The following CUL4A variants were observed in gnomAD, a reference collection of about 807,000 sequenced individuals.
The protein encoded by CUL4A is cullin 4A.
Under a neutral mutation model 95.5 loss-of-function variants are expected in CUL4A, and 16 were observed. The observed-to-expected ratio is 0.17, with a 90% CI of 0.11 to 0.25. The LOEUF is 0.25. Ranked by LOEUF, CUL4A falls within the 10% of genes least tolerant of loss-of-function variation. The probability of loss-of-function intolerance (pLI) is 1.00; values close to 1 mark genes in which losing one functional copy is unlikely to be tolerated. For missense variants in CUL4A, 610 were observed against 937.0 expected (o/e 0.65, Z 4.56); for synonymous variants, 380 against 353.1 (o/e 1.08, Z -0.85).
At chr13:113,259,527 A>G (rs1199994283) in intron 18 of CUL4A, among the ~76,000 whole-genome samples, 3 of 152,064 alleles carry the variant, frequency 2.0e-5, no homozygotes, top group African/African-American at 7.2e-5. Context: ...TTTTTTATTC[A>G]TCCTTGTATG....
intron 5 of CUL4A, among the ~76,000 whole-genome samples, chr13:113,230,749 T>G (rs1187065342): frequency 1.3e-5 from 2 of 150,372 alleles, no homozygotes; most frequent in African/African-American, 2.4e-5. Flanking sequence ...ATAGTCTAAA[T>G]GCTTTTCAAA....
At chr13:113,208,809 G>T (rs1055003747), upstream of CUL4A, 7 of 1,411,866 alleles carry the variant, frequency 5.0e-6, no homozygotes, top group Non-Finnish European at 6.4e-6. Context: ...GGGCTGAGGG[G>T]GCCCGGGGTC....
intron 18 of CUL4A, among the ~76,000 whole-genome samples, chr13:113,259,617 T>C (rs2042217377): frequency 6.6e-6 from 1 of 152,188 alleles, no homozygotes; most frequent in Non-Finnish European, 1.5e-5. Flanking sequence ...AATCTAACCT[T>C]TCAACTGCTA....
intron 19 of CUL4A, among the ~76,000 whole-genome samples, chr13:113,262,264 G>A (rs193145332): frequency 3.0e-4 from 45 of 152,316 alleles, no homozygotes; most frequent in African/African-American, 9.1e-4. Context: ...CTGTGGATTC[G>A]TCTCCTCAGT....
intron 9 of CUL4A, among the ~76,000 whole-genome samples, chr13:113,238,993 A>G (rs1293434506): frequency 1.3e-5 from 2 of 152,200 alleles, no homozygotes; most frequent in East Asian, 3.8e-4. Context: ...AAAATATCCG[A>G]TGATGTTTTT....
Position 113,224,202 on chromosome 13 carries a change from A to G in CUL4A, c.369-3774A>G, listed in dbSNP as rs1348739282. ...CCCGTCTCTACTGAAAATACAAAAAAATTAGCCGGGCGTGGTGGCGGGCAC... is the reference window on the plus strand; with the variant it reads ...CCCGTCTCTACTGAAAATACAAAAAGATTAGCCGGGCGTGGTGGCGGGCAC... On this transcript the variant is annotated intron_variant, in intron 3 of 19. Transcript: ENST00000375440. 4.6e-5 allele frequency among the ~76,000 whole-genome samples: 7 copies of G among 152,254 alleles called. No individual in the cohort carries two copies. In the South Asian group the frequency reaches 1.5e-3, roughly 32 times the overall value.
At chr13:113,256,886 T>C (rs1357004841) in intron 18 of CUL4A, among the ~76,000 whole-genome samples, 3 of 151,092 alleles carry the variant, frequency 2.0e-5, no homozygotes, top group African/African-American at 7.3e-5. Flanking sequence ...GTTTTCTTTA[T>C]ATATTAAGGA....
intron 2 of CUL4A, among the ~76,000 whole-genome samples, chr13:113,218,105 G>A (rs964558385): frequency 1.3e-5 from 2 of 152,172 alleles, no homozygotes; most frequent in African/African-American, 4.8e-5. Context: ...GTGCGTGGTG[G>A]CAGGTGCCTA....
intron 6 of CUL4A, 112 bp from the exon 7 acceptor site, chr13:113,233,785 G>A (rs569350018): frequency 1.5e-5 from 11 of 728,802 alleles, no homozygotes; most frequent in Admixed American, 5.0e-5. Context: ...GGCCACAGGC[G>A]CCTCCAAGTT....
intron 11 of CUL4A, 146 bp downstream of exon 11, chr13:113,243,306 G>A (rs1298570161): frequency 7.3e-6 from 5 of 680,908 alleles, no homozygotes; most frequent in Non-Finnish European, 1.2e-5. Context: ...TTTTTATCAA[G>A]TCTTATTAGG....
At chr13:113,253,237 T>C (rs753043572) in intron 16 of CUL4A, 42 bp downstream of exon 16, 8 of 1,093,242 alleles carry the variant, frequency 7.3e-6, no homozygotes, top group African/African-American at 6.5e-5. Flanking sequence ...TTTGTAAATA[T>C]GTTAATATAA....
chr13:113,217,957 C>T (rs2040754121), intron 2 of CUL4A, among the ~76,000 whole-genome samples: 1 of 152,222 alleles, frequency 6.6e-6, no homozygotes, highest in Admixed American at 6.5e-5. Flanking sequence ...ATGGTGTCAG[C>T]TGGGCACGGT....
rs761635152 is a variant in CUL4A, at chr13:113,253,174, T to C, written c.1731T>C (p.Val577=). ...GGCAAACTACTTTGGGACATGCTGT[T>C]TTAAAAGCGGAGTTTAAAGAAGTAA... ...LQWQTTLGHA[V]LKAEFKEGKK... The change falls in exon 16 of 20, where the codon GTT becomes GTC. Residue 577 remains valine, a synonymous_variant. Coordinates refer to ENST00000375440, the MANE Select transcript of CUL4A (RefSeq NM_001008895.4). 2 of 1,588,050 alleles carry C rather than the reference T, an allele frequency of 1.3e-6. No homozygotes were observed. The highest frequency in any genetic ancestry group is 2.3e-5 in the South Asian group (2 of 85,562).
intron 10 of CUL4A, among the ~76,000 whole-genome samples, chr13:113,241,805 G>A (rs1473182642): frequency 6.6e-6 from 1 of 151,992 alleles, no homozygotes; most frequent in African/African-American, 2.4e-5. Context: ...GAGCCACTGC[G>A]CCCAGCCTTC....
chr13:113,208,973 G>A, upstream of CUL4A: 1 of 1,051,814 alleles, frequency 9.5e-7, no homozygotes, highest in Non-Finnish European at 1.2e-6. Flanking sequence ...TGCCCCTTGT[G>A]AAAACCAGGC....
chr13:113,255,192 T>C (rs2042090197), intron 18 of CUL4A, 67 bp downstream of exon 18: 3 of 1,270,370 alleles, frequency 2.4e-6, no homozygotes, highest in Non-Finnish European at 3.3e-6. Flanking sequence ...TTTGTAGTAA[T>C]GTTTTTGGCT....
At chr13:113,231,745 C>G (rs541680347) in intron 5 of CUL4A, among the ~76,000 whole-genome samples, 7 of 152,272 alleles carry the variant, frequency 4.6e-5, no homozygotes, top group East Asian at 3.9e-4. Flanking sequence ...GCAGCTGCCT[C>G]GAGCCCACAA....
intron 3 of CUL4A, among the ~76,000 whole-genome samples, chr13:113,224,895 G>A (rs1311706417): frequency 6.6e-6 from 1 of 152,204 alleles, no homozygotes; most frequent in African/African-American, 2.4e-5. Context: ...GCCTAGGGCT[G>A]TCCCCTCGCG....
intron 15 of CUL4A, among the ~76,000 whole-genome samples, chr13:113,251,248 G>A (rs2041987686): frequency 6.6e-6 from 1 of 152,204 alleles, no homozygotes; most frequent in Admixed American, 6.5e-5. Flanking sequence ...TTTCATGAGG[G>A]AGATGGGATA....
Sources: allele counts gnomAD v4.1 joint callset (sites outside exome capture counted in the v4.1 genomes callset), GRCh38; gene constraint gnomAD v4.1.1; transcripts MANE v1.5; gene names NCBI Gene and HGNC (gene_info 2026-07-23, HGNC 2026-07-21).